The following GRID2 variants were observed in gnomAD, a reference collection of about 807,000 sequenced individuals.
GRID2 encodes glutamate receptor ionotropic, delta-2.
In GRID2, 33 loss-of-function variants were observed where a neutral mutation model predicts 114.8. The ratio of observed to expected loss-of-function variants is 0.29; its 90% CI spans 0.22 to 0.38. The LOEUF is 0.38. GRID2 is among the 10% of genes least tolerant of loss of function. The pLI is 1.00. For missense variants in GRID2, 1,184 were observed against 1,257.7 expected, an observed-to-expected ratio of 0.94 and a Z score of 0.89; for synonymous variants, 505 against 449.9, an observed-to-expected ratio of 1.12 and a Z score of -1.55.
intron 8 of GRID2, among the ~76,000 whole-genome samples, chr4:93,338,649 T>G (rs1300586620): frequency 6.6e-6 from 1 of 152,208 alleles, no homozygotes; most frequent in African/African-American, 2.4e-5. Context: ...ATTTGGATCT[T>G]GTGAGCTTGT....
At chr4:92,818,619 T>G (rs560113760) in intron 2 of GRID2, among the ~76,000 whole-genome samples, 2 of 152,228 alleles carry the variant, frequency 1.3e-5, no homozygotes, top group African/African-American at 2.4e-5. Context: ...GGCAAATATA[T>G]GAGGAAGTCA....
chr4:92,637,982 A>G lies in GRID2; in HGVS notation c.244+47696A>G, dbSNP rs780375245. 1.4e-4 allele frequency among the ~76,000 whole-genome samples: 21 copies of G among 152,066 alleles called. No individual in the cohort carries two copies. In the Middle Eastern group the frequency reaches 0.017, roughly 123 times the overall value. Reference sequence around the variant, plus strand: ...GCAATTTAGGAAACTCAAAATAGACATTACTGCTCTTCATTTCAAAGCAAG... The same window carrying G: ...GCAATTTAGGAAACTCAAAATAGACGTTACTGCTCTTCATTTCAAAGCAAG... On this transcript the variant is annotated intron_variant, in intron 2 of 15. Coordinates refer to ENST00000282020, the MANE Select transcript of GRID2 (RefSeq NM_001510.4).
intron 4 of GRID2, among the ~76,000 whole-genome samples, chr4:93,204,377 A>C (rs959189621): frequency 6.6e-6 from 1 of 152,188 alleles, no homozygotes; most frequent in South Asian, 2.1e-4. Context: ...CCTATGGTGA[A>C]GAGCACTCAA....
intron 1 of GRID2, among the ~76,000 whole-genome samples, chr4:92,361,368 A>T (rs747768805): frequency 6.6e-6 from 1 of 152,068 alleles, no homozygotes; most frequent in Non-Finnish European, 1.5e-5. Context: ...GTGTATCAGT[A>T]TATGGAAATA....
intron 14 of GRID2, among the ~76,000 whole-genome samples, chr4:93,729,497 CT>C (rs1198894534): frequency 5.3e-5 from 8 of 152,242 alleles, no homozygotes; most frequent in Non-Finnish European, 1.2e-4. Flanking sequence ...CTCCCCTCCC[CT>C]TTCTTGCTAA....
chr4:93,592,980 C>T (rs1738563686), intron 13 of GRID2, among the ~76,000 whole-genome samples: 2 of 151,448 alleles, frequency 1.3e-5, no homozygotes, highest in Admixed American at 6.6e-5. Context: ...TTCCTGAATA[C>T]AGCACACTGA....
At chr4:93,707,594 T>A (rs1363606931) in intron 14 of GRID2, among the ~76,000 whole-genome samples, 1 of 151,982 alleles carries the variant, frequency 6.6e-6, no homozygotes, top group African/African-American at 2.4e-5. Context: ...CTCTTTTTTC[T>A]TAGTTTGTCT....
intron 13 of GRID2, among the ~76,000 whole-genome samples, chr4:93,570,478 C>T (rs1371640537): frequency 6.6e-6 from 1 of 152,016 alleles, no homozygotes; most frequent in Non-Finnish European, 1.5e-5. Context: ...AAGGGGCTGT[C>T]GGGGAAAATA....
At chr4:93,783,091 A>G (rs892771767) in intron 1 of GRID2, among the ~76,000 whole-genome samples, 2 of 152,240 alleles carry the variant, frequency 1.3e-5, no homozygotes, top group African/African-American at 4.8e-5. Context: ...TTTCATATGC[A>G]GGGAAGTTTA....
In GRID2 at chr4:92,797,041, C is replaced by A. The variant is rs1411900548; in HGVS notation, c.244+206755C>A. ...TTACATTGATCCTTAATGATAGATT[C>A]ATTTATCTTGATATGGAAGACAACC... On this transcript the variant is annotated intron_variant, in intron 2 of 15. Coordinates refer to ENST00000282020, the MANE Select transcript of GRID2 (RefSeq NM_001510.4). Among the ~76,000 whole-genome samples, 3 of 152,002 alleles carry A rather than the reference C, an allele frequency of 2.0e-5. 1 individual carries two copies. In the Middle Eastern group the frequency reaches 0.01, roughly 517 times the overall value.
chr4:93,638,103 C>G (rs1169222965), intron 14 of GRID2, among the ~76,000 whole-genome samples: 1 of 152,024 alleles, frequency 6.6e-6, no homozygotes, highest in African/African-American at 2.4e-5. Context: ...ACGTAGTTCT[C>G]TGTTTTAATA....
intron 1 of GRID2, among the ~76,000 whole-genome samples, chr4:92,474,037 G>A (rs1158282879): frequency 6.7e-6 from 1 of 148,234 alleles, no homozygotes; most frequent in East Asian, 2.0e-4. Context: ...GAGAACTTAA[G>A]GTCTATTCTC....
chr4:92,377,220 C>G (rs1266628949), intron 1 of GRID2, among the ~76,000 whole-genome samples: 1 of 152,134 alleles, frequency 6.6e-6, no homozygotes, highest in Non-Finnish European at 1.5e-5. Context: ...TTAGAAATTT[C>G]TTCTGCCAGA....
chr4:92,665,476 A>G (rs1442085906), intron 2 of GRID2, among the ~76,000 whole-genome samples: 2 of 151,382 alleles, frequency 1.3e-5, no homozygotes. Flanking sequence ...CAAAGTTACA[A>G]TAATGCTAAC....
chr4:92,409,032 G>C (rs1374502323), intron 1 of GRID2, among the ~76,000 whole-genome samples: 1 of 152,022 alleles, frequency 6.6e-6, no homozygotes, highest in Non-Finnish European at 1.5e-5. Flanking sequence ...GAGAGTGAGC[G>C]TACTTGTCTT....
chr4:93,352,816 C>T (rs921153769), intron 8 of GRID2, among the ~76,000 whole-genome samples: 3 of 151,968 alleles, frequency 2.0e-5, no homozygotes. Context: ...TGTTGTAGAA[C>T]ATGGTGGGGT....
chr4:93,170,390 T>C (rs990968092), intron 4 of GRID2, among the ~76,000 whole-genome samples: 2 of 152,056 alleles, frequency 1.3e-5, no homozygotes, highest in African/African-American at 4.8e-5. Flanking sequence ...GGCCCCCCCC[T>C]TTTTTAATTG....
intron 13 of GRID2, among the ~76,000 whole-genome samples, chr4:93,559,776 A>T (rs144375222): frequency 2.0e-3 from 301 of 152,330 alleles, no homozygotes; most frequent in African/African-American, 6.7e-3. Flanking sequence ...AGACACATGC[A>T]CAAGTATGTT....
chr4:93,137,194 A>G (rs1425360787), intron 4 of GRID2, among the ~76,000 whole-genome samples: 1 of 152,208 alleles, frequency 6.6e-6, no homozygotes. Flanking sequence ...TAGGAAATCA[A>G]TATTTTGCAG....
Sources: gnomAD v4.1 joint callset for allele counts (sites outside exome capture counted in the v4.1 genomes callset) on GRCh38, gnomAD v4.1.1 for gene constraint, MANE v1.5 for transcripts, NCBI Gene and HGNC (gene_info 2026-07-23, HGNC 2026-07-21) for gene names.